Variants in SCRIB observed in about 807,000 individuals in gnomAD.
SCRIB encodes protein scribble homolog.
In SCRIB, 72 loss-of-function variants were observed where a neutral mutation model predicts 170.0. The ratio of observed to expected loss-of-function variants is 0.42; its 90% confidence interval spans 0.35 to 0.52. The LOEUF (loss-of-function observed/expected upper bound fraction) is 0.52, where lower values mean the gene tolerates loss of function less well. Ranked by LOEUF, SCRIB falls within the 20% of genes least tolerant of loss-of-function variation. The pLI, the probability that SCRIB is intolerant of heterozygous loss-of-function variation, is 0.02. For missense variants in SCRIB, 2,475 were observed against 2,338.5 expected (o/e 1.06, Z -1.20); for synonymous variants, 1,298 against 1,044.3 (o/e 1.24, Z -4.68).
rs782115509 is a variant in SCRIB, at chr8:143,791,214, G to A, written c.4917C>T (p.Ser1639=). The A allele has an allele frequency of 4.8e-6, 7 of 1,451,388 alleles. No individual in the cohort carries two copies. The highest frequency in any genetic ancestry group is 6.4e-6 in the Non-Finnish European group (7 of 1,100,252). The allele number at this position is 1,451,388 out of a possible 1,614,324, so 89.9% of individuals were successfully genotyped here. Residue 1639 remains serine (S), a synonymous_variant, in exon 37 of 37, where the codon AGC becomes AGT. Coordinates refer to ENST00000356994, the MANE Select transcript of SCRIB (RefSeq NM_182706.5). ...GGCGCCCAGGCCTTACGGGGCGGCG[G>A]CTGCTGCACAGTGCCACATCTTCAG... The part of the protein sequence containing the change: ...VGPEDVALCS[S]RRPVRPGRRG...
chr8:143,808,826 T>C lies in SCRIB; in HGVS notation c.1898A>G (p.Gln633Arg). 6.2e-7 allele frequency: 1 copy of C among 1,611,780 alleles called. No homozygotes were observed. Residue 633 changes from glutamine to arginine, a missense_variant, in exon 15 of 37, where the codon CAG becomes CGG. This residue lies in a region of SCRIB where 1,966 missense variants were observed against 1,742.9 expected (regional missense o/e 1.13). Coordinates refer to ENST00000356994, the MANE Select transcript of SCRIB (RefSeq NM_182706.5). ...AGCCACAGGGCCCTCCCCATCAGGC[T>C]GCATGCCCTGCAGCAGAGCCACAAC... is the stretch of plus-strand genomic sequence containing the variant. ...EAVVALLQGM[Q>R]PDGEGPVAPG... is the part of the protein sequence containing the mutation.
Position 143,792,876 on chromosome 8 carries a change from A to G in SCRIB, c.4018-9T>C. 1 of 1,499,852 alleles carries G rather than the reference A, an allele frequency of 6.7e-7. No homozygotes were observed. Among genetic ancestry groups the G allele is most frequent in the Non-Finnish European group, 8.9e-7 (1 of 1,129,780 alleles). 92.9% of individuals were successfully genotyped at this position (1,499,852 alleles called of 1,614,324 possible). A position where few individuals can be genotyped will look rare whatever the true frequency, so the allele number is the denominator to read the frequency against. ...GGCCCAGGCGTGGGGGGCTGGGGGG[A>G]GCGGACCTTGAGGTTTGGCTGGCAT... On this transcript the variant is annotated splice_polypyrimidine_tract_variant and intron_variant, in intron 29 of 36. Coordinates refer to ENST00000356994, the MANE Select transcript of SCRIB (RefSeq NM_182706.5).
At position 143,804,072 on chromosome 8, in the gene SCRIB, G is replaced by A. The variant is rs781851187; in HGVS notation, c.3094C>T (p.Gln1032Ter). ...SDHSSHPFGV[Q>*]EPGVFISKVL... ...TTGGAGATGAACACACCAGGCTCCT[G>A]GACACCAAACGGGTGGCTGGAATGG... Residue 1032 changes from glutamine (Q) to a stop codon, truncating the protein, a stop_gained, in exon 22 of 37, where the codon CAG (glutamine) becomes TAG (stop). Transcript: ENST00000356994. LOFTEE classifies it high-confidence loss of function. 1 of 1,612,138 alleles carries A rather than the reference G, an allele frequency of 6.2e-7. No homozygotes were observed.
chr8:143,804,047 T>C lies in SCRIB; in HGVS notation c.3119A>G (p.Lys1040Arg), dbSNP rs146363765. The C allele has an allele frequency of 5.6e-6, 9 of 1,606,546 alleles. No individual in the cohort carries two copies. The highest frequency in any genetic ancestry group is 6.0e-6 in the Non-Finnish European group (7 of 1,175,248). ...GVQEPGVFIS[K>R]VLPRGLAARS... ...AACCGCCTGGATGGGCCGCCCTACC[T>C]TGGAGATGAACACACCAGGCTCCTG... Residue 1040 changes from lysine to arginine, a missense_variant and splice_region_variant, in exon 22 of 37, where the codon AAG (lysine) becomes AGG (arginine). Physicochemically the swap from Lys to Arg is conservative, Grantham distance 26 (BLOSUM62 2). Around this residue, in one of 3 missense-constraint regions of SCRIB, gnomAD observed 1,966 missense variants for 1,742.9 expected, o/e 1.13. Coordinates refer to ENST00000356994, the MANE Select transcript of SCRIB (RefSeq NM_182706.5).
chr8:143,805,352 T>A lies in SCRIB; in HGVS notation c.2430A>T (p.Arg810=). Residue 810 remains arginine (R), a synonymous_variant, in exon 19 of 37, where the codon CGA becomes CGT. Coordinates refer to ENST00000356994, the MANE Select transcript of SCRIB (RefSeq NM_182706.5). ...GCTCCACCATGCGCTCCCGCCACAC[T>A]CGCATCTGCACGGCAGTGCCGGCCC... The part of the protein sequence containing the change: ...LRGAGTAVQM[R]VWRERMVEPE... 1 of 1,551,950 alleles carries A rather than the reference T, an allele frequency of 6.4e-7. No individual in the cohort carries two copies. The highest frequency in any genetic ancestry group is 8.7e-7 in the Non-Finnish European group (1 of 1,154,920).
At position 143,808,702 on chromosome 8, in the gene SCRIB, T is replaced by C. The variant is rs1009073929; in HGVS notation, c.2022A>G (p.Glu674=). Residue 674 remains glutamate (E), a synonymous_variant, in exon 15 of 37, where the codon GAA becomes GAG. Coordinates refer to ENST00000356994, the MANE Select transcript of SCRIB (RefSeq NM_182706.5). ...CAGCCCTGTTTTCCTCCTCCTCCTC[T>C]TCCTCCTCCTCCTGAGGACTACCCT... ...EEEGSPQEEE[E]EEEEENRAEE... is the part of the protein sequence containing the mutation. The C allele has an allele frequency of 3.2e-6, 5 of 1,555,180 alleles. No individual in the cohort carries two copies. Among genetic ancestry groups the C allele is most frequent in the Non-Finnish European group, 3.5e-6 (4 of 1,152,222 alleles).
Position 143,805,263 on chromosome 8 carries a change from C to G in SCRIB, c.2519G>C (p.Arg840Pro), listed in dbSNP as rs1320417310. ...PEDDYSPRER[R>P]GGGLRLPLLP... Reference sequence around the variant, plus strand: ...CAGGGGCAGGCGCAGCCCCCCTCCCCGCCGCTCTCGGGGGCTGTAATCATC... The same window carrying G: ...CAGGGGCAGGCGCAGCCCCCCTCCCGGCCGCTCTCGGGGGCTGTAATCATC... Residue 840 changes from arginine (R) to proline (P), a missense_variant, in exon 19 of 37, where the codon CGG (arginine) becomes CCG (proline). Physicochemically the swap from Arg to Pro is moderately radical, Grantham distance 103. Coordinates refer to ENST00000356994, the MANE Select transcript of SCRIB (RefSeq NM_182706.5). 1 of 1,536,040 alleles carries G rather than the reference C, an allele frequency of 6.5e-7. No homozygotes were observed. Among genetic ancestry groups the G allele is most frequent in the Non-Finnish European group, 8.7e-7 (1 of 1,146,034 alleles).
intron 21 of SCRIB, among the ~76,000 whole-genome samples, 199 bp downstream of exon 21, chr8:143,804,369 G>A (rs997346156): frequency 1.3e-5 from 2 of 152,264 alleles, no homozygotes; most frequent in East Asian, 1.9e-4. Context: ...TGGCCAGCCA[G>A]GAGACTGTGT....
At chr8:143,809,401 C>T (rs1815598571) in intron 14 of SCRIB, 150 bp downstream of exon 14, 5 of 910,434 alleles carry the variant, frequency 5.5e-6, no homozygotes, top group Non-Finnish European at 8.3e-6. Flanking sequence ...CCTGCACCAC[C>T]CGTAGCCACT....
chr8:143,812,818 G>A lies in SCRIB; in HGVS notation c.786C>T (p.Ile262=), dbSNP rs767359378. ...QNLLRRLPDG[I]GQLKQLSILK... ...CCAGGCACCCCCAGGCACACTAACC[G>A]ATGCCGTCGGGCAGCCTCCGCAGCA... Residue 262 remains isoleucine (I), a splice_region_variant and synonymous_variant, in exon 8 of 37, where the codon ATC becomes ATT. Coordinates refer to ENST00000356994, the MANE Select transcript of SCRIB (RefSeq NM_182706.5). 33 of 1,598,392 alleles carry A rather than the reference G, an allele frequency of 2.1e-5. No individual in the cohort carries two copies. Among genetic ancestry groups the A allele is most frequent in the Admixed American group, 1.2e-4 (7 of 59,946 alleles).
At chr8:143,808,584 A>G in intron 15 of SCRIB, 25 bp downstream of exon 15, 1 of 1,497,148 alleles carries the variant, frequency 6.7e-7, no homozygotes, top group Non-Finnish European at 8.9e-7. Context: ...AATCTGGGTC[A>G]GGCAGGGGTG....
rs1218488488 is a variant in SCRIB, at chr8:143,794,219, GGAGCAGACAGGACAGCCGGAGAAGA to G, written c.3847-282_3847-258del. 2.6e-5 allele frequency: 13 copies of G among 505,760 alleles called. 1 individual carries two copies. In the Admixed American group the frequency reaches 3.5e-4, roughly 14 times the overall value. 31.3% of individuals were successfully genotyped at this position (505,760 alleles called of 1,614,324 possible). Reference sequence around the variant, plus strand: ...TGGCTGGAGCTTTGCAGGAGAGATGGGAGCAGACAGGACAGCCGGAGAAGAGAGCAGGGAGGGCTCGGGGGAGGGG... The same window carrying G: ...TGGCTGGAGCTTTGCAGGAGAGATGGGAGCAGGGAGGGCTCGGGGGAGGGG... On this transcript the variant is annotated intron_variant, in intron 27 of 36. Transcript: ENST00000356994.
rs750688070 is a variant in SCRIB at position 143,813,460 on chromosome 8, T to C, written c.503+10A>G. On this transcript the variant is annotated intron_variant, in intron 5 of 36. Coordinates refer to ENST00000356994, the MANE Select transcript of SCRIB (RefSeq NM_182706.5). ...GCCCTGGCTGTTAGGAGAATGCCTG[T>C]CACACTCACGCTGGCAGGGACTTGA... 3.1e-6 allele frequency: 5 copies of C among 1,613,172 alleles called. No homozygotes were observed. In the Admixed American group the frequency reaches 5.0e-5, roughly 16 times the overall value.
chr8:143,803,576 G>C lies in SCRIB; in HGVS notation c.3415-5C>G, dbSNP rs1815266917. ...GGCTGCCCCCGTGGGGCTCACCTGT[G>C]GGGAGACGTGGTATGGGAGAGACCT... is the stretch of plus-strand genomic sequence containing the variant. On this transcript the variant is annotated splice_polypyrimidine_tract_variant and splice_region_variant and intron_variant, in intron 23 of 36. Coordinates refer to ENST00000356994, the MANE Select transcript of SCRIB (RefSeq NM_182706.5). 6.3e-7 allele frequency: 1 copy of C among 1,598,978 alleles called. No homozygotes were observed.
At position 143,793,896 on chromosome 8, in the gene SCRIB, T is replaced by A; in HGVS notation, c.3909+4A>T. On this transcript the variant is annotated splice_donor_region_variant and intron_variant, in intron 28 of 36. Transcript: ENST00000356994. Reference sequence around the variant, plus strand: ...GGGCACACCCGTTAACTTGGGACACTCACCTGCTGGCCACTAGGGGAGCAG... The same window carrying A: ...GGGCACACCCGTTAACTTGGGACACACACCTGCTGGCCACTAGGGGAGCAG... The A allele has an allele frequency of 6.2e-7, 1 of 1,613,076 alleles. No individual in the cohort carries two copies. Among genetic ancestry groups the A allele is most frequent in the Non-Finnish European group, 8.5e-7 (1 of 1,179,454 alleles).
rs929672234 is a variant in SCRIB at position 143,807,786 on chromosome 8, T to C, written c.2116-172A>G. On this transcript the variant is annotated intron_variant, in intron 15 of 36. Coordinates refer to ENST00000356994, the MANE Select transcript of SCRIB (RefSeq NM_182706.5). ...GGAGGCGTGAGTGACACCACACACC[T>C]GGGGACAAGCGGGGCTCCAGAGCTG... Among the ~76,000 whole-genome samples, 3 of 152,110 alleles carry C rather than the reference T, an allele frequency of 2.0e-5. No homozygotes were observed. In the East Asian group the frequency reaches 5.9e-4, roughly 30 times the overall value.
chr8:143,809,611 C>T lies in SCRIB; in HGVS notation c.1638G>A (p.Gly546=). 1 of 1,611,280 alleles carries T rather than the reference C, an allele frequency of 6.2e-7. No homozygotes were observed. The highest frequency in any genetic ancestry group is 8.5e-7 in the Non-Finnish European group (1 of 1,179,920). ...PEGPSAEAQG[G]SQQEATTAGG... is the part of the protein sequence containing the mutation. ...CAGCAGTCGTGGCTTCCTGCTGGCT[C>T]CCACCCTGTGCCTCAGCCGACGGGC... is the stretch of plus-strand genomic sequence containing the variant. The change falls in exon 14 of 37, where the codon GGG becomes GGA. Residue 546 remains glycine, a synonymous_variant. Coordinates refer to ENST00000356994, the MANE Select transcript of SCRIB (RefSeq NM_182706.5).
intron 24 of SCRIB, among the ~76,000 whole-genome samples, chr8:143,796,844 G>A (rs539584487): frequency 1.2e-4 from 18 of 152,256 alleles, no homozygotes; most frequent in South Asian, 2.1e-4. Flanking sequence ...CAGGTAGCCC[G>A]GCCTCTCATG....
chr8:143,812,450 C>T (rs1422847094), intron 8 of SCRIB, 66 bp from the exon 9 acceptor site: 14 of 1,230,242 alleles, frequency 1.1e-5, no homozygotes, highest in Non-Finnish European at 1.7e-5. Context: ...CCCACCTGGC[C>T]AGAAGCGCCC....
Sources: gnomAD v4.1 joint callset for allele counts (sites outside exome capture counted in the v4.1 genomes callset) on GRCh38, gnomAD v4.1.1 for gene constraint, gnomAD v4.1.1 regional missense constraint, MANE v1.5 for transcripts, NCBI Gene and HGNC (gene_info 2026-07-23, HGNC 2026-07-21) for gene names.